BAZ1B: variants seen among roughly 807,000 people sequenced by gnomAD.
BAZ1B encodes tyrosine-protein kinase BAZ1B.
A neutral mutation model predicts 153.8 loss-of-function variants in BAZ1B; 22 were observed. The observed-to-expected ratio is 0.14, with a 90% CI of 0.10 to 0.20. The LOEUF is 0.20. Among genes scored for constraint, BAZ1B ranks in the 10% least tolerant of loss-of-function variants. The pLI is 1.00. For synonymous variants in BAZ1B, 676 were observed against 633.4 expected (o/e 1.07, Z -1.01); for missense variants, 1,325 against 1,799.3 (o/e 0.74, Z 4.77).
At chr7:73,482,065 A>C (rs7797566) in intron 6 of BAZ1B, among the ~76,000 whole-genome samples, 20,500 of 152,082 alleles carry the variant, frequency 0.13, 1,523 homozygotes, top group African/African-American at 0.19. Context: ...AAACAAAAAG[A>C]AACTGGAATG....
chr7:73,444,479 G>A (rs992374334), intron 16 of BAZ1B, among the ~76,000 whole-genome samples: 1 of 152,176 alleles, frequency 6.6e-6, no homozygotes, highest in Non-Finnish European at 1.5e-5. Flanking sequence ...TTGCTAATAG[G>A]TCAGCCTGGA....
At chr7:73,475,109 C>A (rs542595285) in intron 7 of BAZ1B, among the ~76,000 whole-genome samples, 2 of 152,248 alleles carry the variant, frequency 1.3e-5, no homozygotes, top group Non-Finnish European at 2.9e-5. Flanking sequence ...AAGTCAGAAC[C>A]TTTAATTCAC....
At chr7:73,505,625 G>A (rs1412878718) in intron 3 of BAZ1B, among the ~76,000 whole-genome samples, 2 of 145,136 alleles carry the variant, frequency 1.4e-5, no homozygotes, top group African/African-American at 5.2e-5. Flanking sequence ...CATTTGTCCT[G>A]AGAGGGAAAA....
chr7:73,450,338 G>C lies in BAZ1B; in HGVS notation c.3580+509C>G, dbSNP rs1371380302. On this transcript the variant is annotated intron_variant, in intron 14 of 19. Transcript: ENST00000339594. This position sits in a 1 kb window ranked among gnomAD's most constrained non-coding sequence, Gnocchi z 4.1. ...AGCGATTGAACGCTTTACAGCAACT[G>C]AATGATTTTACGTAGATCTTTTCAT... Among the ~76,000 whole-genome samples the C allele has an allele frequency of 6.6e-6, 1 of 152,176 alleles. No homozygotes were observed. The highest frequency in any genetic ancestry group is 1.9e-4 in the East Asian group (1 of 5,196).
chr7:73,445,987 T>C (rs1787819931), intron 16 of BAZ1B, among the ~76,000 whole-genome samples: 1 of 152,268 alleles, frequency 6.6e-6, no homozygotes, highest in South Asian at 2.1e-4. Context: ...CTAGGATACC[T>C]GAAAAATCAG....
intron 1 of BAZ1B, among the ~76,000 whole-genome samples, chr7:73,517,742 G>T (rs1362886479): frequency 2.6e-5 from 4 of 152,208 alleles, no homozygotes; most frequent in Admixed American, 1.3e-4. Flanking sequence ...TCCAAAGGTT[G>T]TGTAAGCTAT....
intron 11 of BAZ1B, 87 bp downstream of exon 11, chr7:73,465,350 CTT>C: frequency 1.2e-6 from 1 of 859,994 alleles, no homozygotes; most frequent in Non-Finnish European, 1.7e-6. Context: ...ACTTTAGTAA[CTT>C]AAATGGATAA....
rs1788370115 is a variant in BAZ1B at position 73,460,876 on chromosome 7, G to A, written c.3250-1158C>T. Among the ~76,000 whole-genome samples, 3 of 152,092 alleles carry A rather than the reference G, an allele frequency of 2.0e-5. No homozygotes were observed. In the South Asian group the frequency reaches 6.2e-4, roughly 32 times the overall value. On this transcript the variant is annotated intron_variant, in intron 12 of 19. Transcript: ENST00000339594. ...GCTACTTGGGAGACTGAGGCAGAAG[G>A]AGTTTGAGGCTGCTGTCAGCTATGA...
intron 3 of BAZ1B, among the ~76,000 whole-genome samples, chr7:73,505,264 TC>T (rs1460820136): frequency 6.6e-6 from 1 of 152,138 alleles, no homozygotes; most frequent in Non-Finnish European, 1.5e-5. Flanking sequence ...TGATAAGTAT[TC>T]CCTCACTCTG....
chr7:73,468,757 C>A (rs1583905184), intron 9 of BAZ1B, among the ~76,000 whole-genome samples: 1 of 152,148 alleles, frequency 6.6e-6, no homozygotes, highest in East Asian at 1.9e-4. Flanking sequence ...GTCTTGTTTG[C>A]TGCTATACCC....
chr7:73,492,778 A>C, intron 5 of BAZ1B, 22 bp downstream of exon 5: 1 of 1,577,120 alleles, frequency 6.3e-7, no homozygotes, highest in Non-Finnish European at 8.6e-7. Context: ...TATCACATGT[A>C]AAAAGTAAAG....
chr7:73,493,491 G>T (rs1400611721), intron 4 of BAZ1B, among the ~76,000 whole-genome samples: 1 of 151,892 alleles, frequency 6.6e-6, no homozygotes, highest in African/African-American at 2.4e-5. Context: ...AATACTATGA[G>T]AATACAGAGA....
In BAZ1B at chr7:73,470,405, A is replaced by G. The variant is rs1196323264; in HGVS notation, c.2672T>C (p.Ile891Thr). ...AAAEKAFQEG[I>T]AKAKLVMRRT... ...GCGCATGACTAGTTTGGCCTTGGCA[A>G]TCCCTTCCTGGAAAGCTTTCTCAGC... The change falls in exon 8 of 20, where the codon ATT becomes ACT. Residue 891 changes from isoleucine (I) to threonine (T), a missense_variant. Coordinates refer to ENST00000339594, the MANE Select transcript of BAZ1B (RefSeq NM_032408.4). The G allele has an allele frequency of 6.2e-6, 10 of 1,613,992 alleles. No individual in the cohort carries two copies. The highest frequency in any genetic ancestry group is 1.3e-5 in the African/African-American group (1 of 74,920).
chr7:73,488,722 A>C (rs1411918231), intron 6 of BAZ1B, among the ~76,000 whole-genome samples: 2 of 151,752 alleles, frequency 1.3e-5, no homozygotes, highest in Middle Eastern at 3.2e-3. Context: ...CTCAAAAAAA[A>C]AAAAAAAACA....
chr7:73,477,476 A>C lies in BAZ1B; in HGVS notation c.1985T>G (p.Leu662Arg). 1 of 1,614,212 alleles carries C rather than the reference A, an allele frequency of 6.2e-7. No homozygotes were observed. Among genetic ancestry groups the C allele is most frequent in the Non-Finnish European group, 8.5e-7 (1 of 1,180,040 alleles). ...GTCTTCTGCTATCTCATCTTGTAGGAGGGTCTGTAAGAGGATGACCAACAC... is the reference window on the plus strand; with the variant it reads ...GTCTTCTGCTATCTCATCTTGTAGGCGGGTCTGTAAGAGGATGACCAACAC... ...NRVLVILLQT[L>R]LQDEIAEDYG... The change falls in exon 7 of 20, where the codon CTC becomes CGC. Residue 662 changes from leucine (L) to arginine (R), a missense_variant. Transcript: ENST00000339594. The surrounding 1 kb of genome is among the most constrained non-coding windows in gnomAD (Gnocchi z 5.6).
At chr7:73,461,692 G>A (rs1788402027) in intron 12 of BAZ1B, among the ~76,000 whole-genome samples, 1 of 152,100 alleles carries the variant, frequency 6.6e-6, no homozygotes, top group Non-Finnish European at 1.5e-5. Context: ...TATTCCAATA[G>A]CAAAGAAAAA....
chr7:73,469,711 A>C, intron 8 of BAZ1B, 61 bp from the exon 9 acceptor site: 1 of 1,579,154 alleles, frequency 6.3e-7, no homozygotes, highest in Non-Finnish European at 8.7e-7. Context: ...GGATGATTTT[A>C]CTGCTGGAGA....
At chr7:73,441,806 C>A (rs1364966241) in intron 19 of BAZ1B, 113 bp from the exon 20 acceptor site, 3 of 238,918 alleles carry the variant, frequency 1.3e-5, no homozygotes, top group Middle Eastern at 1.4e-3. Flanking sequence ...GGCCTGATTA[C>A]CCCGATCCTG....
intron 4 of BAZ1B, among the ~76,000 whole-genome samples, chr7:73,497,081 A>AAAAAAAAAAC (rs1242807439): frequency 6.6e-6 from 1 of 150,436 alleles, no homozygotes; most frequent in African/African-American, 2.5e-5. Context: ...AAAAAAAAAA[A>AAAAAAAAAAC]AACCTACAAA....
Sources: gnomAD v4.1 joint callset for allele counts (sites outside exome capture counted in the v4.1 genomes callset) on GRCh38, gnomAD v4.1.1 for gene constraint, Gnocchi (gnomAD v3.1) non-coding constraint, MANE v1.5 for transcripts, NCBI Gene and HGNC (gene_info 2026-07-23, HGNC 2026-07-21) for gene names.